The following PCDHGB2 variants were observed in gnomAD, a reference collection of about 807,000 sequenced individuals.
The protein encoded by PCDHGB2 is protocadherin gamma-B2.
A neutral mutation model predicts 59.3 loss-of-function variants in PCDHGB2; 55 were observed. That is an observed-to-expected ratio of 0.93 (90% CI 0.75 to 1.16). The LOEUF is 1.16. PCDHGB2 is among the 50% of genes most tolerant of loss of function. The pLI, the probability that PCDHGB2 is intolerant of heterozygous loss-of-function variation, is 0.00. For missense variants in PCDHGB2, 1,228 were observed against 1,198.5 expected (o/e 1.02, Z -0.36); for synonymous variants, 516 against 512.0 (o/e 1.01, Z -0.11).
chr5:141,445,249 G>T (rs1337658576), intron 1 of PCDHGB2, among the ~76,000 whole-genome samples: 2 of 152,170 alleles, frequency 1.3e-5, no homozygotes, highest in Non-Finnish European at 2.9e-5. Context: ...ACTATATTGT[G>T]TGAGAATATA....
chr5:141,373,138 T>G (rs1047353742), intron 1 of PCDHGB2, among the ~76,000 whole-genome samples: 9 of 152,246 alleles, frequency 5.9e-5, no homozygotes, highest in African/African-American at 2.2e-4. Flanking sequence ...TCCTCACAAT[T>G]AAGTGGTTTA....
In PCDHGB2 at chr5:141,490,598, G is replaced by A. The variant is rs141484080; in HGVS notation, c.2422-4209G>A. On this transcript the variant is annotated intron_variant, in intron 1 of 3. Transcript: ENST00000522605. This position sits in a 1 kb window ranked among gnomAD's most constrained non-coding sequence, Gnocchi z 5.4. ...TCAGATGTCAATGACAATGCACCCC[G>A]CTTCAACCAGCAGCTTTACACTGCT... 309 of 1,614,062 alleles carry A rather than the reference G, an allele frequency of 1.9e-4. 2 individuals carry two copies. Among genetic ancestry groups the A allele is most frequent in the Admixed American group, 5.0e-4 (30 of 60,018 alleles).
Position 141,361,230 on chromosome 5 carries a change from G to A in PCDHGB2, c.1095G>A (p.Val365=). 6.2e-7 allele frequency: 1 copy of A among 1,613,982 alleles called. No individual in the cohort carries two copies. The highest frequency in any genetic ancestry group is 8.5e-7 in the Non-Finnish European group (1 of 1,179,884). ...CGGAGGATTCGCCACCAGGAACAGT[G>A]ATCGCCTTGATAAAAACGAGAGACA... ...PLPEDSPPGT[V]IALIKTRDRD... is the part of the protein sequence containing the mutation. The change falls in exon 1 of 4, where the codon GTG becomes GTA. Residue 365 remains valine (V), a synonymous_variant. Transcript: ENST00000522605.
At chr5:141,435,575 C>T (rs1054936213) in intron 1 of PCDHGB2, among the ~76,000 whole-genome samples, 2 of 152,088 alleles carry the variant, frequency 1.3e-5, no homozygotes, top group South Asian at 2.1e-4. Context: ...AGTACTGGGG[C>T]AAATTTGCAG....
intron 1 of PCDHGB2, among the ~76,000 whole-genome samples, chr5:141,494,498 C>G (rs2099754760): frequency 6.6e-6 from 1 of 152,138 alleles, no homozygotes; most frequent in African/African-American, 2.4e-5. Flanking sequence ...GCCTTCAGTC[C>G]TTGAATTTTG....
chr5:141,389,156 T>TC, intron 1 of PCDHGB2: 1 of 1,613,950 alleles, frequency 6.2e-7, no homozygotes, highest in Non-Finnish European at 8.5e-7. Context: ...CGGCAACAGA[T>TC]CGGGGCAAGC....
At chr5:141,425,159 G>T (rs557552439) in intron 1 of PCDHGB2, among the ~76,000 whole-genome samples, 1 of 152,244 alleles carries the variant, frequency 6.6e-6, no homozygotes, top group Non-Finnish European at 1.5e-5. Context: ...AGCATCTAGG[G>T]ATAGGATTTA....
At chr5:141,409,798 G>T (rs2095317053) in intron 1 of PCDHGB2, 1 of 1,611,672 alleles carries the variant, frequency 6.2e-7, no homozygotes, top group South Asian at 1.1e-5. Context: ...CGCTCACGCT[G>T]CAGGCCCGCG....
At position 141,419,726 on chromosome 5, in the gene PCDHGB2, A is replaced by AC. The variant is rs757890106; in HGVS notation, c.2421+57171dup. On this transcript the variant is annotated intron_variant, in intron 1 of 3. Coordinates refer to ENST00000522605, the MANE Select transcript of PCDHGB2 (RefSeq NM_018923.3). ...CGGGCTCTTCAGCCTGGGGCTGCGA[A>AC]CAGGCGAGGTGCGCATGGTGCGTGC... 3.1e-6 allele frequency: 5 copies of AC among 1,613,402 alleles called. No individual in the cohort carries two copies. The Admixed American group carries it at 8.3e-5, about 27-fold the overall frequency.
intron 2 of PCDHGB2, among the ~76,000 whole-genome samples, chr5:141,497,543 T>C (rs896069181): frequency 4.7e-5 from 7 of 149,068 alleles, no homozygotes; most frequent in Non-Finnish European, 9.0e-5. Context: ...AACAAACCTT[T>C]TTTTTTTTTT....
In PCDHGB2 at chr5:141,490,453, T is replaced by C; in HGVS notation, c.2422-4354T>C. 6.2e-7 allele frequency: 1 copy of C among 1,614,178 alleles called. No homozygotes were observed. Among genetic ancestry groups the C allele is most frequent in the Non-Finnish European group, 8.5e-7 (1 of 1,180,042 alleles). ...GATTAAGCCTTCTGAGAACCACTAC[T>C]CGCTGCTAACCAGCCAGCCTTTGGA... On this transcript the variant is annotated intron_variant, in intron 1 of 3. Coordinates refer to ENST00000522605, the MANE Select transcript of PCDHGB2 (RefSeq NM_018923.3). This position sits in a 1 kb window ranked among gnomAD's most constrained non-coding sequence, Gnocchi z 5.4.
Position 141,431,335 on chromosome 5 carries a change from C to G in PCDHGB2, c.2422-63472C>G, listed in dbSNP as rs747132346. On this transcript the variant is annotated intron_variant, in intron 1 of 3. Transcript: ENST00000522605. The surrounding 1 kb of genome is among the most constrained non-coding windows in gnomAD (Gnocchi z 4.8). ...ATGGAGCCGACGGTAGTAAGTACCC[C>G]GAATTGGTGCTGAAACGCGCCCTGG... 2 of 1,614,062 alleles carry G rather than the reference C, an allele frequency of 1.2e-6. No homozygotes were observed. Among genetic ancestry groups the G allele is most frequent in the Non-Finnish European group, 1.7e-6 (2 of 1,180,022 alleles).
At chr5:141,370,501 C>T in intron 1 of PCDHGB2, 1 of 1,613,952 alleles carries the variant, frequency 6.2e-7, no homozygotes, top group Non-Finnish European at 8.5e-7. Flanking sequence ...ATCCGCTACG[C>T]TATTCCCGAG....
At chr5:141,407,910 G>A in intron 1 of PCDHGB2, 1 of 428,786 alleles carries the variant, frequency 2.3e-6, no homozygotes, top group Non-Finnish European at 4.1e-6. Flanking sequence ...GAAAAACCGG[G>A]CTGCTGTCCC....
chr5:141,374,708 C>T (rs974732178), intron 1 of PCDHGB2: 3 of 1,609,146 alleles, frequency 1.9e-6, no homozygotes, highest in South Asian at 2.2e-5. Flanking sequence ...AGCCGTTTAC[C>T]GCCTGGTCCT....
intron 1 of PCDHGB2, chr5:141,433,007 C>T (rs550227016): frequency 1.2e-6 from 2 of 1,614,198 alleles, no homozygotes; most frequent in Admixed American, 3.3e-5. Context: ...GCAGGCTTTC[C>T]TGCAGACCTA....
chr5:141,502,250 TA>T (rs2099813542), intron 2 of PCDHGB2, among the ~76,000 whole-genome samples: 1 of 152,242 alleles, frequency 6.6e-6, no homozygotes, highest in African/African-American at 2.4e-5. Flanking sequence ...TCCTTTTTTT[TA>T]ATCCAGGATT....
At chr5:141,392,867 G>C in intron 1 of PCDHGB2, 6 of 1,612,942 alleles carry the variant, frequency 3.7e-6, no homozygotes, top group Non-Finnish European at 5.1e-6. Flanking sequence ...TGCTGTGCGC[G>C]CTGCTGGGAA....
rs557975319 is a variant in PCDHGB2 at position 141,381,867 on chromosome 5, T to C, written c.2421+19311T>C. ...TTTTTTTGGCAGAGTTTTGCTCTTGTTGTCCAGGCTGGAGTGCAATGGTGT... is the reference window on the plus strand; with the variant it reads ...TTTTTTTGGCAGAGTTTTGCTCTTGCTGTCCAGGCTGGAGTGCAATGGTGT... On this transcript the variant is annotated intron_variant, in intron 1 of 3. Coordinates refer to ENST00000522605, the MANE Select transcript of PCDHGB2 (RefSeq NM_018923.3). Among the ~76,000 whole-genome samples, 9 of 148,494 alleles carry C rather than the reference T, an allele frequency of 6.1e-5. No homozygotes were observed. In the South Asian group the frequency reaches 2.0e-3, roughly 33 times the overall value.
Sources: gnomAD v4.1 joint callset for allele counts (sites outside exome capture counted in the v4.1 genomes callset) on GRCh38, gnomAD v4.1.1 for gene constraint, Gnocchi (gnomAD v3.1) non-coding constraint, MANE v1.5 for transcripts, NCBI Gene and HGNC (gene_info 2026-07-23, HGNC 2026-07-21) for gene names.